HELLS: variants seen among roughly 807,000 people sequenced by gnomAD.
HELLS encodes lymphoid-specific helicase.
A neutral mutation model predicts 120.0 loss-of-function variants in HELLS; 32 were observed. That is an observed-to-expected ratio of 0.27 (90% CI 0.20 to 0.36). HELLS has a LOEUF of 0.36. HELLS is among the 10% of genes least tolerant of loss of function. HELLS has a pLI of 1.00. For synonymous variants in HELLS, 341 were observed against 323.4 expected (o/e 1.05, Z -0.58); for missense variants, 650 against 993.4 (o/e 0.65, Z 4.65).
intron 6 of HELLS, chr10:94,570,058 T>TG: frequency 6.6e-6 from 1 of 151,742 alleles, no homozygotes; most frequent in African/African-American, 2.4e-5. Flanking sequence ...TATTTTTTTT[T>TG]GGGAGACAAG....
intron 4 of HELLS, among the ~76,000 whole-genome samples, chr10:94,558,604 T>A (rs942417591): frequency 6.6e-6 from 1 of 151,436 alleles, no homozygotes; most frequent in Non-Finnish European, 1.5e-5. Flanking sequence ...CTTACTCTAT[T>A]TTTTTTTTCT....
chr10:94,594,890 T>C (rs1338698782), intron 19 of HELLS, 36 bp downstream of exon 19: 1 of 1,459,592 alleles, frequency 6.9e-7, no homozygotes, highest in East Asian at 2.3e-5. Context: ...ATTGTTTAAA[T>C]TGTGCATTGT....
At chr10:94,578,746 C>T (rs912446990) in intron 10 of HELLS, among the ~76,000 whole-genome samples, 2 of 152,110 alleles carry the variant, frequency 1.3e-5, no homozygotes, top group African/African-American at 4.8e-5. Flanking sequence ...TAGCCCTGAG[C>T]TTGTTTTCCA....
chr10:94,552,049 C>T (rs1843003953), intron 2 of HELLS, among the ~76,000 whole-genome samples: 1 of 152,160 alleles, frequency 6.6e-6, no homozygotes, highest in Non-Finnish European at 1.5e-5. Context: ...TCATATCCCC[C>T]ATTTCAAACA....
At chr10:94,597,233 T>G (rs1845782949) in intron 21 of HELLS, 122 bp downstream of exon 21, 1 of 566,886 alleles carries the variant, frequency 1.8e-6, no homozygotes. Context: ...TTGTCATTTT[T>G]CTTCTTAGAG....
In HELLS at chr10:94,590,540, T is replaced by G. The variant is rs903350276; in HGVS notation, c.1616T>G (p.Val539Gly). The G allele has an allele frequency of 6.2e-7, 1 of 1,611,052 alleles. No homozygotes were observed. ...EKLISQIQPE[V>G]DRERAVVEVN... The stretch of plus-strand genomic sequence containing the variant: ...CTGATCAGTCAAATACAGCCAGAGG[T>G]GGACCGAGAAAGGTTTGAATTCAAA... Residue 539 changes from valine (V) to glycine (G), a missense_variant, in exon 14 of 22, where the codon GTG becomes GGG. Val to Gly is a moderately radical substitution (Grantham distance 109). This residue lies in a region of HELLS where 191 missense variants were observed against 259.7 expected (regional missense o/e 0.74). Coordinates refer to ENST00000348459, the MANE Select transcript of HELLS (RefSeq NM_018063.5).
At chr10:94,596,029 C>T in intron 19 of HELLS, among the ~76,000 whole-genome samples, 1 of 151,976 alleles carries the variant, frequency 6.6e-6, no homozygotes, top group Non-Finnish European at 1.5e-5. Context: ...CTTTTTTACC[C>T]AGGTTGTTCT....
chr10:94,550,806 C>A (rs761624263), intron 2 of HELLS, among the ~76,000 whole-genome samples: 1 of 151,974 alleles, frequency 6.6e-6, no homozygotes, highest in Non-Finnish European at 1.5e-5. Flanking sequence ...GGAGGATTAT[C>A]GCTTGAGCCT....
chr10:94,568,196 C>T (rs1449278180), intron 6 of HELLS, among the ~76,000 whole-genome samples: 1 of 149,668 alleles, frequency 6.7e-6, no homozygotes, highest in African/African-American at 2.4e-5. Context: ...GCGTGAGCCA[C>T]CGCGCCTGGC....
chr10:94,554,341 T>C, intron 3 of HELLS, 93 bp downstream of exon 3: 3 of 922,162 alleles, frequency 3.3e-6, no homozygotes. Flanking sequence ...AATGGACAGA[T>C]TTTAAGTGTA....
intron 2 of HELLS, among the ~76,000 whole-genome samples, chr10:94,552,553 C>T (rs575209316): frequency 1.3e-5 from 2 of 152,154 alleles, no homozygotes; most frequent in Non-Finnish European, 2.9e-5. Flanking sequence ...TTGTTGTTTT[C>T]AGATATTACA....
chr10:94,597,187 C>A, intron 21 of HELLS, 76 bp downstream of exon 21: 1 of 786,676 alleles, frequency 1.3e-6, no homozygotes. Context: ...ACCCCTTGTG[C>A]AATTCATTCA....
intron 3 of HELLS, among the ~76,000 whole-genome samples, chr10:94,555,462 CA>C (rs2134000901): frequency 6.6e-6 from 1 of 152,098 alleles, no homozygotes; most frequent in Non-Finnish European, 1.5e-5. Context: ...AAAAAAACCC[CA>C]AAAGGGGACA....
At chr10:94,549,743 G>A (rs1842894521) in intron 2 of HELLS, among the ~76,000 whole-genome samples, 1 of 152,092 alleles carries the variant, frequency 6.6e-6, no homozygotes, top group Admixed American at 6.6e-5. Flanking sequence ...AATAGATGGA[G>A]TTGCAATTTA....
rs147153698 is a variant in HELLS, at chr10:94,562,703, A to G, written c.346A>G (p.Ile116Val). Reference protein sequence around the residue: ...SLKVKKGKNSIDASEEKPVMR... With the variant: ...SLKVKKGKNSVDASEEKPVMR... ...CCTTGTTTTGTAGGGTAAAAATTCAATTGATGCAAGTGAAGAGAAGCCAGG... is the reference window on the plus strand; with the variant it reads ...CCTTGTTTTGTAGGGTAAAAATTCAGTTGATGCAAGTGAAGAGAAGCCAGG... The change falls in exon 5 of 22, where the codon ATT (isoleucine) becomes GTT (valine). Residue 116 changes from isoleucine to valine, a missense_variant. Physicochemically the swap from Ile to Val is conservative, Grantham distance 29 (BLOSUM62 3). This residue lies in a region of HELLS where 113 missense variants were observed against 120.7 expected (regional missense o/e 0.94). Coordinates refer to ENST00000348459, the MANE Select transcript of HELLS (RefSeq NM_018063.5). 91 of 1,587,352 alleles carry G rather than the reference A, an allele frequency of 5.7e-5. No homozygotes were observed. Among genetic ancestry groups the G allele is most frequent in the African/African-American group, 2.4e-4 (18 of 74,116 alleles).
At chr10:94,591,530 T>C (rs1436172573) in intron 15 of HELLS, among the ~76,000 whole-genome samples, 1 of 152,190 alleles carries the variant, frequency 6.6e-6, no homozygotes, top group African/African-American at 2.4e-5. Flanking sequence ...GATAATTCTT[T>C]CTTAGGAGGT....
downstream of HELLS, among the ~76,000 whole-genome samples, chr10:94,602,809 T>C (rs973898300): frequency 1.3e-5 from 2 of 152,200 alleles, no homozygotes; most frequent in African/African-American, 4.8e-5. Context: ...TAAAAGACTA[T>C]AGAGCAGGTT....
At chr10:94,568,773 TC>T (rs1433513715) in intron 6 of HELLS, among the ~76,000 whole-genome samples, 1 of 152,160 alleles carries the variant, frequency 6.6e-6, no homozygotes, top group Non-Finnish European at 1.5e-5. Flanking sequence ...ATGTTCTTTT[TC>T]TTTGTATTAC....
chr10:94,588,872 C>G (rs1009521034), intron 13 of HELLS, among the ~76,000 whole-genome samples: 5 of 152,092 alleles, frequency 3.3e-5, no homozygotes, highest in African/African-American at 1.2e-4. Context: ...TTAGGCCAGG[C>G]ACGGTGGCTC....
Sources: gnomAD v4.1 joint callset for allele counts (sites outside exome capture counted in the v4.1 genomes callset) on GRCh38, gnomAD v4.1.1 for gene constraint, gnomAD v4.1.1 regional missense constraint, MANE v1.5 for transcripts, NCBI Gene and HGNC (gene_info 2026-07-23, HGNC 2026-07-21) for gene names.